PCYT2: variants seen among roughly 807,000 people sequenced by gnomAD.
PCYT2 encodes the protein ethanolamine-phosphate cytidylyltransferase.
In PCYT2, 33 loss-of-function variants were observed where a neutral mutation model predicts 50.0. The observed-to-expected ratio is 0.66, with a 90% CI of 0.50 to 0.88. PCYT2 has a LOEUF of 0.88. PCYT2 is among the 40% of genes least tolerant of loss of function. The pLI is 0.00. For synonymous variants in PCYT2, 240 were observed against 203.7 expected (o/e 1.18, Z -1.52); for missense variants, 430 against 519.7 (o/e 0.83, Z 1.68).
Position 81,903,043 on chromosome 17 carries a change from C to G in PCYT2, c.*1790G>C, listed in dbSNP as rs906242908. 9.8e-6 allele frequency: 4 copies of G among 410,254 alleles called. No homozygotes were observed. The highest frequency in any genetic ancestry group is 1.7e-5 in the Non-Finnish European group (4 of 231,830). The allele number at this position is 410,254 out of a possible 1,614,324, so 25.4% of individuals were successfully genotyped here. A position where few individuals can be genotyped will look rare whatever the true frequency, so the allele number is the denominator to read the frequency against. Reference sequence around the variant, plus strand: ...CTGGGCCGCCCAGAGGTCTTCAGACCCAGGGGCGAAGCTGGCCACGACCCA... The same window carrying G: ...CTGGGCCGCCCAGAGGTCTTCAGACGCAGGGGCGAAGCTGGCCACGACCCA... On this transcript the variant is annotated 3_prime_UTR_variant, in exon 13 of 13. Coordinates refer to ENST00000538936, the MANE Select transcript of PCYT2 (RefSeq NM_002861.5).
In PCYT2 at chr17:81,901,734, CCCAGAGGACCCCG is replaced by C. The variant is rs1408431033; in HGVS notation, c.*3086_*3098del. 6.6e-6 allele frequency: 1 copy of C among 152,320 alleles called. No individual in the cohort carries two copies. The highest frequency in any genetic ancestry group is 2.4e-5 in the African/African-American group (1 of 41,468). 9.4% of individuals were successfully genotyped at this position (152,320 alleles called of 1,614,324 possible). ...GTGTGGCTGGCCTTCTTGCCCCCCT[CCCAGAGGACCCCG>C]CCAGTAACAGCCCTGCTGGTGGAAC... On this transcript the variant is annotated 3_prime_UTR_variant, in exon 13 of 13. Transcript: ENST00000538936.
rs923996573 is a variant in PCYT2 at position 81,901,260 on chromosome 17, G to T, written c.*3573C>A. 6.6e-6 allele frequency: 1 copy of T among 152,194 alleles called. No individual in the cohort carries two copies. The highest frequency in any genetic ancestry group is 2.4e-5 in the African/African-American group (1 of 41,424). 9.4% of individuals were successfully genotyped at this position (152,194 alleles called of 1,614,324 possible). On this transcript the variant is annotated 3_prime_UTR_variant, in exon 13 of 13. Coordinates refer to ENST00000538936, the MANE Select transcript of PCYT2 (RefSeq NM_002861.5). ...GATTCAGCCAGTCTAGTCTTTCCAC[G>T]TTCCTCTGCCTGCTTGTATCCTGGC...
chr17:81,910,883 G>A, intron 1 of PCYT2: 1 of 987,462 alleles, frequency 1.0e-6, no homozygotes, highest in Non-Finnish European at 1.2e-6. Context: ...GGACAGGCAG[G>A]TCGCACCCGA....
Position 81,904,490 on chromosome 17 carries a change from A to G in PCYT2, c.*343T>C, listed in dbSNP as rs371738366. 1.6e-4 allele frequency: 47 copies of G among 293,286 alleles called. No homozygotes were observed. In the East Asian group the frequency reaches 3.3e-3, roughly 20 times the overall value. The allele number at this position is 293,286 out of a possible 1,614,324, so 18.2% of individuals were successfully genotyped here. A position where few individuals can be genotyped will look rare whatever the true frequency, so the allele number is the denominator to read the frequency against. ...CCCTCTGCTCTGCACCTCCCGCCAC[A>G]GCTGGGTGGGCAGTCAGTGTGGCCT... On this transcript the variant is annotated 3_prime_UTR_variant, in exon 13 of 13. Coordinates refer to ENST00000538936, the MANE Select transcript of PCYT2 (RefSeq NM_002861.5).
intron 1 of PCYT2, among the ~76,000 whole-genome samples, chr17:81,910,049 A>C (rs1423782585): frequency 1.3e-5 from 2 of 152,238 alleles, no homozygotes; most frequent in African/African-American, 4.8e-5. Flanking sequence ...GGCTAACCCA[A>C]AACAAATCCA....
In PCYT2 at chr17:81,902,664, G is replaced by A. The variant is rs2040002899; in HGVS notation, c.*2169C>T. On this transcript the variant is annotated 3_prime_UTR_variant, in exon 13 of 13. Transcript: ENST00000538936. Reference sequence around the variant, plus strand: ...TCGCCCCAAACCTGCAGAGGTGCGAGCGGCTCCCCGACGGCCGCGGGACCT... The same window carrying A: ...TCGCCCCAAACCTGCAGAGGTGCGAACGGCTCCCCGACGGCCGCGGGACCT... 2 of 1,606,940 alleles carry A rather than the reference G, an allele frequency of 1.2e-6. No individual in the cohort carries two copies. The highest frequency in any genetic ancestry group is 1.3e-5 in the African/African-American group (1 of 74,538).
Position 81,908,630 on chromosome 17 carries a change from G to A in PCYT2, c.345C>T (p.Asp115=), listed in dbSNP as rs2040410400. ...CCCGGCCATCTACAGTCAGGGTGAT[G>A]TCATCTAAGCAGTGACACACAAGGA... ...YNCDFCVHGN[D]ITLTVDGRDT... Residue 115 remains aspartate (D), a synonymous_variant, in exon 4 of 13, where the codon GAC becomes GAT. Coordinates refer to ENST00000538936, the MANE Select transcript of PCYT2 (RefSeq NM_002861.5). 2 of 1,612,482 alleles carry A rather than the reference G, an allele frequency of 1.2e-6. No individual in the cohort carries two copies. Among genetic ancestry groups the A allele is most frequent in the Admixed American group, 1.7e-5 (1 of 60,000 alleles).
chr17:81,906,231 G>A (rs747683637), intron 8 of PCYT2, 54 bp from the exon 9 acceptor site: 37 of 1,486,816 alleles, frequency 2.5e-5, no homozygotes, highest in Non-Finnish European at 2.9e-5. Flanking sequence ...GGGACAGGGT[G>A]TGCCCCTCCC....
chr17:81,904,861 G>T lies in PCYT2; in HGVS notation c.1142C>A (p.Pro381His). The T allele has an allele frequency of 6.2e-7, 1 of 1,612,360 alleles. No homozygotes were observed. Among genetic ancestry groups the T allele is most frequent in the Non-Finnish European group, 8.5e-7 (1 of 1,179,582 alleles). The change falls in exon 13 of 13, where the codon CCC becomes CAC. Residue 381 changes from proline (P) to histidine (H), a missense_variant. Pro to His is a moderately conservative substitution (Grantham distance 77, BLOSUM62 -2). Transcript: ENST00000538936. Reference sequence around the variant, plus strand: ...GAAGTCACCATCGCGCTCCCCCAGGGGCTGTGCCGCCTGCTGCCTGGCAGC... The same window carrying T: ...GAAGTCACCATCGCGCTCCCCCAGGTGCTGTGCCGCCTGCTGCCTGGCAGC... ...LEAARQQAAQ[P>H]LGERDGDF
intron 2 of PCYT2, 178 bp from the exon 3 acceptor site, chr17:81,909,215 G>A (rs2040445965): frequency 7.0e-7 from 1 of 1,435,556 alleles, no homozygotes; most frequent in African/African-American, 1.4e-5. Context: ...TTCCCTGCGA[G>A]GGTCTCAGGC....
At chr17:81,909,901 T>C (rs1446505143) in intron 1 of PCYT2, among the ~76,000 whole-genome samples, 3 of 152,152 alleles carry the variant, frequency 2.0e-5, no homozygotes, top group African/African-American at 7.2e-5. Flanking sequence ...TGGAGCCCAC[T>C]GAAAGCTGCA....
At chr17:81,905,776 G>C (rs766975186) in intron 9 of PCYT2, 41 bp from the exon 10 acceptor site, 2 of 1,597,598 alleles carry the variant, frequency 1.3e-6, no homozygotes, top group South Asian at 2.2e-5. Context: ...CTCGGTCCCT[G>C]CTACTGGTAA....
chr17:81,904,917 C>T lies in PCYT2; in HGVS notation c.1086G>A (p.Lys362=), dbSNP rs138132734. Residue 362 remains lysine (K), a synonymous_variant, in exon 13 of 13, where the codon AAG becomes AAA. Transcript: ENST00000538936. ...GGAAGGCCAGCTCCTTGGCTTCCTT[C>T]TTCTGGTTTCGCGCCTCATACTCCA... ...NRLEYEARNQ[K]KEAKELAFLE... 218 of 1,611,398 alleles carry T rather than the reference C, an allele frequency of 1.4e-4. No homozygotes were observed. In the African/African-American group the frequency reaches 2.7e-3, roughly 20 times the overall value.
rs1421894589 is a variant in PCYT2, at chr17:81,908,477, C to A, written c.407+91G>T. 5 of 990,586 alleles carry A rather than the reference C, an allele frequency of 5.0e-6. No homozygotes were observed. The Admixed American group carries it at 9.6e-5, about 19-fold the overall frequency. 61.4% of individuals were successfully genotyped at this position (990,586 alleles called of 1,614,324 possible). A position where few individuals can be genotyped will look rare whatever the true frequency, so the allele number is the denominator to read the frequency against. On this transcript the variant is annotated intron_variant, in intron 4 of 12. Transcript: ENST00000538936. ...CATGGCCCAGGGCCTGGACGCTCCC[C>A]TCACGGGCTCCCGGTAAATAGCAAA...
In PCYT2 at chr17:81,904,847, C is replaced by A. The variant is rs762256949; in HGVS notation, c.1156G>T (p.Asp386Tyr). 6.2e-7 allele frequency: 1 copy of A among 1,609,140 alleles called. No homozygotes were observed. Among genetic ancestry groups the A allele is most frequent in the South Asian group, 1.1e-5 (1 of 90,796 alleles). ...CCTCTGCCAGGTTAGAAGTCACCAT[C>A]GCGCTCCCCCAGGGGCTGTGCCGCC... Reference protein sequence around the residue: ...QQAAQPLGERDGDF With the variant: ...QQAAQPLGERYGDF The change falls in exon 13 of 13, where the codon GAT (aspartate) becomes TAT (tyrosine). Residue 386 changes from aspartate to tyrosine, a missense_variant. Coordinates refer to ENST00000538936, the MANE Select transcript of PCYT2 (RefSeq NM_002861.5).
At position 81,901,943 on chromosome 17, in the gene PCYT2, G is replaced by A. The variant is rs907810176; in HGVS notation, c.*2890C>T. On this transcript the variant is annotated 3_prime_UTR_variant, in exon 13 of 13. Coordinates refer to ENST00000538936, the MANE Select transcript of PCYT2 (RefSeq NM_002861.5). ...GGATTGCCTGGGGGACGACTCCTAG[G>A]GCTGGGCGCCCGTGGGCCCTCCCCT... 4.7e-4 allele frequency: 90 copies of A among 192,830 alleles called. No individual in the cohort carries two copies. Among genetic ancestry groups the A allele is most frequent in the African/African-American group, 1.9e-3 (83 of 42,856 alleles). 11.9% of individuals were successfully genotyped at this position (192,830 alleles called of 1,614,324 possible).
Position 81,901,998 on chromosome 17 carries a change from C to T in PCYT2, c.*2835G>A. 4.2e-6 allele frequency: 1 copy of T among 235,908 alleles called. No individual in the cohort carries two copies. The allele number at this position is 235,908 out of a possible 1,614,324, so 14.6% of individuals were successfully genotyped here. A position where few individuals can be genotyped will look rare whatever the true frequency, so the allele number is the denominator to read the frequency against. ...CCACTGCGGCCCACGCAAGCCGGGC[C>T]TGAAGGGCGCGAGCGGCATGGGTGG... On this transcript the variant is annotated 3_prime_UTR_variant, in exon 13 of 13. Transcript: ENST00000538936.
chr17:81,906,570 C>T lies in PCYT2; in HGVS notation c.677-24G>A, dbSNP rs755215530. The T allele has an allele frequency of 2.5e-5, 41 of 1,609,888 alleles. No individual in the cohort carries two copies. The Middle Eastern group carries it at 4.9e-4, about 19-fold the overall frequency. On this transcript the variant is annotated intron_variant, in intron 7 of 12. Coordinates refer to ENST00000538936, the MANE Select transcript of PCYT2 (RefSeq NM_002861.5). ...GTCTGCACCCAGGTTAAGAAGCAGT[C>T]GGGATGGGGATGACAGGGAGCAGCT... is the stretch of plus-strand genomic sequence containing the variant.
intron 11 of PCYT2, 32 bp downstream of exon 11, chr17:81,905,350 C>G: frequency 6.5e-7 from 1 of 1,540,172 alleles, no homozygotes; most frequent in Non-Finnish European, 8.8e-7. Flanking sequence ...CAATGGCAAC[C>G]CCTGTGCCCA....
Sources: gnomAD v4.1 joint callset for allele counts (sites outside exome capture counted in the v4.1 genomes callset) on GRCh38, gnomAD v4.1.1 for gene constraint, MANE v1.5 for transcripts, NCBI Gene and HGNC (gene_info 2026-07-23, HGNC 2026-07-21) for gene names.